Variants in CACNA2D1 observed in about 807,000 individuals in gnomAD.
The protein encoded by CACNA2D1 is voltage-dependent calcium channel subunit alpha-2/delta-1.
A neutral mutation model predicts 171.5 loss-of-function variants in CACNA2D1; 53 were observed. That is an observed-to-expected ratio of 0.31 (90% CI 0.25 to 0.39). The LOEUF is 0.39. Among genes scored for constraint, CACNA2D1 ranks in the 10% least tolerant of loss-of-function variants. The probability of loss-of-function intolerance (pLI) is 1.00; values close to 1 mark genes in which losing one functional copy is unlikely to be tolerated. For missense variants in CACNA2D1, 903 were observed against 1,299.8 expected (o/e 0.69, Z 4.69); for synonymous variants, 442 against 443.1 (o/e 1.00, Z 0.03).
At chr7:82,228,414 G>A (rs1326624107) in intron 3 of CACNA2D1, among the ~76,000 whole-genome samples, 1 of 152,096 alleles carries the variant, frequency 6.6e-6, no homozygotes, top group Non-Finnish European at 1.5e-5. Flanking sequence ...GGTAATAAAT[G>A]GCCATTGCTT....
At chr7:81,970,560 G>A in intron 27 of CACNA2D1, 115 bp downstream of exon 27, 2 of 743,548 alleles carry the variant, frequency 2.7e-6, no homozygotes, top group Non-Finnish European at 5.0e-6. Context: ...TGGCTCCAAT[G>A]TAATCTAATG....
intron 3 of CACNA2D1, among the ~76,000 whole-genome samples, chr7:82,211,990 A>G (rs1800609601): frequency 1.3e-5 from 2 of 152,066 alleles, no homozygotes; most frequent in Non-Finnish European, 2.9e-5. Flanking sequence ...AGTGATGTTG[A>G]GCATTGTTAT....
chr7:81,967,669 AAATTAATTTG>A lies in CACNA2D1; in HGVS notation c.2396-16_2396-7del. 7.5e-7 allele frequency: 1 copy of A among 1,336,534 alleles called. No individual in the cohort carries two copies. Among genetic ancestry groups the A allele is most frequent in the Non-Finnish European group, 1.1e-6 (1 of 937,620 alleles). The allele number at this position is 1,336,534 out of a possible 1,614,324, so 82.8% of individuals were successfully genotyped here. ...ATCAATTTTAATTCCAACAACTGAAAAATTAATTTGAATTAATTCAAAGGTATAATTAGAT... is the reference window on the plus strand; with the variant it reads ...ATCAATTTTAATTCCAACAACTGAAAAATTAATTCAAAGGTATAATTAGAT... On this transcript the variant is annotated splice_region_variant and splice_polypyrimidine_tract_variant and intron_variant, in intron 29 of 38. Transcript: ENST00000356860.
At chr7:82,256,777 CA>C (rs1456457086) in intron 3 of CACNA2D1, among the ~76,000 whole-genome samples, 1 of 152,036 alleles carries the variant, frequency 6.6e-6, no homozygotes, top group African/African-American at 2.4e-5. Context: ...AAAAGGAAAG[CA>C]TGAATAACTA....
chr7:82,213,356 GAGTAC>G (rs1246668715), intron 3 of CACNA2D1, among the ~76,000 whole-genome samples: 1 of 152,184 alleles, frequency 6.6e-6, no homozygotes, highest in Non-Finnish European at 1.5e-5. Flanking sequence ...GAGGCTGGCA[GAGTAC>G]AGGATCCCTT....
At chr7:82,102,659 A>G (rs995561483) in intron 6 of CACNA2D1, among the ~76,000 whole-genome samples, 2 of 152,170 alleles carry the variant, frequency 1.3e-5, no homozygotes, top group Non-Finnish European at 2.9e-5. Context: ...AGGAACTTAG[A>G]CTGATGGAGA....
intron 3 of CACNA2D1, among the ~76,000 whole-genome samples, chr7:82,283,516 G>A (rs1481640690): frequency 6.6e-6 from 1 of 152,150 alleles, no homozygotes; most frequent in East Asian, 1.9e-4. Context: ...AATTTCATAT[G>A]GAGATTAAAA....
chr7:82,072,017 G>A (rs1037604235), intron 7 of CACNA2D1, among the ~76,000 whole-genome samples: 1 of 152,112 alleles, frequency 6.6e-6, no homozygotes. Flanking sequence ...GTTACCCTAA[G>A]CACTGATTTA....
chr7:82,420,000 T>G (rs950426738), intron 1 of CACNA2D1, among the ~76,000 whole-genome samples: 1 of 152,134 alleles, frequency 6.6e-6, no homozygotes, highest in Non-Finnish European at 1.5e-5. Context: ...AATCCTACAT[T>G]GCACAGGACA....
At chr7:82,317,421 AG>A (rs1229849637) in intron 3 of CACNA2D1, among the ~76,000 whole-genome samples, 4 of 152,184 alleles carry the variant, frequency 2.6e-5, no homozygotes, top group African/African-American at 9.6e-5. Context: ...ACTGCTTTTA[AG>A]TCTTTAAACT....
chr7:82,197,135 A>G (rs948061421), intron 3 of CACNA2D1, among the ~76,000 whole-genome samples: 17 of 152,044 alleles, frequency 1.1e-4, no homozygotes, highest in African/African-American at 3.9e-4. Context: ...CCAAGGTTAC[A>G]TCGTTGGATA....
chr7:82,148,191 G>T (rs1793368616), intron 4 of CACNA2D1, among the ~76,000 whole-genome samples: 1 of 152,100 alleles, frequency 6.6e-6, no homozygotes, highest in Non-Finnish European at 1.5e-5. Context: ...CTCGGATAGT[G>T]CATTATGTTC....
intron 1 of CACNA2D1, among the ~76,000 whole-genome samples, chr7:82,367,120 G>T (rs921577404): frequency 6.6e-5 from 10 of 151,668 alleles, no homozygotes; most frequent in African/African-American, 2.4e-4. Flanking sequence ...ATGTTGCCCA[G>T]GCTGGTCTCA....
At chr7:82,239,434 C>G (rs1172969109) in intron 3 of CACNA2D1, among the ~76,000 whole-genome samples, 1 of 152,002 alleles carries the variant, frequency 6.6e-6, no homozygotes, top group Non-Finnish European at 1.5e-5. Context: ...TGAAAAAATC[C>G]CACCGCTATA....
intron 31 of CACNA2D1, among the ~76,000 whole-genome samples, chr7:81,966,115 A>C (rs1247903864): frequency 6.6e-6 from 1 of 151,768 alleles, no homozygotes; most frequent in African/African-American, 2.4e-5. Flanking sequence ...AAGACTATTT[A>C]TAATTATTTC....
intron 6 of CACNA2D1, among the ~76,000 whole-genome samples, chr7:82,111,069 T>C (rs905807314): frequency 6.6e-6 from 1 of 151,956 alleles, no homozygotes; most frequent in African/African-American, 2.4e-5. Flanking sequence ...AGAAATGTGT[T>C]AAAGGCAAAA....
chr7:81,962,334 G>C (rs1259849018), intron 35 of CACNA2D1, 106 bp downstream of exon 35: 3 of 877,686 alleles, frequency 3.4e-6, no homozygotes, highest in Middle Eastern at 2.5e-4. Flanking sequence ...TGGGTGACCT[G>C]TTTTCTCTTT....
intron 6 of CACNA2D1, among the ~76,000 whole-genome samples, chr7:82,088,777 C>T (rs1810788115): frequency 6.6e-6 from 1 of 151,744 alleles, no homozygotes; most frequent in Non-Finnish European, 1.5e-5. Context: ...ATTTTATATT[C>T]TCAATTATAT....
At chr7:82,350,138 A>C (rs1305397852) in intron 1 of CACNA2D1, among the ~76,000 whole-genome samples, 2 of 152,220 alleles carry the variant, frequency 1.3e-5, no homozygotes. Flanking sequence ...AGTTGAAAGT[A>C]TGTTATATAA....
Sources: allele counts gnomAD v4.1 joint callset (sites outside exome capture counted in the v4.1 genomes callset), GRCh38; gene constraint gnomAD v4.1.1; transcripts MANE v1.5; gene names NCBI Gene and HGNC (gene_info 2026-07-23, HGNC 2026-07-21).